TIAM1: variants seen among roughly 807,000 people sequenced by gnomAD.
TIAM1 encodes the protein TIAM Rac1 associated GEF 1, also known as rho guanine nucleotide exchange factor TIAM1.
TIAM1 carries 65 observed loss-of-function variants against 163.5 expected under a neutral mutation model. That is an observed-to-expected ratio of 0.40 (90% CI 0.33 to 0.49). The LOEUF (loss-of-function observed/expected upper bound fraction) is 0.49, where lower values mean the gene tolerates loss of function less well. Ranked by LOEUF, TIAM1 falls within the 20% of genes least tolerant of loss-of-function variation. The pLI, the probability that TIAM1 is intolerant of heterozygous loss-of-function variation, is 0.77. For synonymous variants in TIAM1, 833 were observed against 810.1 expected, an observed-to-expected ratio of 1.03 and a Z score of -0.48; for missense variants, 1,789 against 2,044.7, an observed-to-expected ratio of 0.87 and a Z score of 2.41.
intron 10 of TIAM1, among the ~76,000 whole-genome samples, chr21:31,211,522 A>G (rs73351560): frequency 0.023 from 3,491 of 152,296 alleles, 147 homozygotes; most frequent in African/African-American, 0.08. Flanking sequence ...AAATTTCCCA[A>G]TGAAGGCTGA....
intron 22 of TIAM1, among the ~76,000 whole-genome samples, chr21:31,140,283 GT>G (rs2082790496): frequency 6.6e-6 from 1 of 152,130 alleles, no homozygotes; most frequent in Non-Finnish European, 1.5e-5. Flanking sequence ...CAGCAAGAGT[GT>G]TTTTCCTCTA....
At chr21:31,407,065 C>T (rs2077259973) in intron 2 of TIAM1, among the ~76,000 whole-genome samples, 1 of 152,192 alleles carries the variant, frequency 6.6e-6, no homozygotes, top group Non-Finnish European at 1.5e-5. Context: ...ACAGCTCTCA[C>T]TAGGAGGCAG....
At chr21:31,290,315 C>T (rs544057431) in intron 2 of TIAM1, among the ~76,000 whole-genome samples, 2 of 151,858 alleles carry the variant, frequency 1.3e-5, no homozygotes, top group African/African-American at 4.8e-5. Flanking sequence ...TCAGGAAAGG[C>T]AACTTGTGGA....
chr21:31,382,766 A>G (rs913492898), intron 2 of TIAM1, among the ~76,000 whole-genome samples: 1 of 152,184 alleles, frequency 6.6e-6, no homozygotes, highest in Admixed American at 6.5e-5. Flanking sequence ...CAAACAAACT[A>G]AAAAAATTAA....
chr21:31,492,463 G>A (rs1284495071), intron 1 of TIAM1, among the ~76,000 whole-genome samples: 8 of 152,104 alleles, frequency 5.3e-5, no homozygotes, highest in Non-Finnish European at 1.5e-5. Context: ...ACTGAATTGT[G>A]TAAATTTACA....
At chr21:31,382,580 A>G (rs1465715165) in intron 2 of TIAM1, among the ~76,000 whole-genome samples, 2 of 152,220 alleles carry the variant, frequency 1.3e-5, no homozygotes, top group East Asian at 3.9e-4. Context: ...CTCCAATGAC[A>G]CTGCTCTCTG....
At chr21:31,151,312 C>T (rs371402587) in intron 19 of TIAM1, among the ~76,000 whole-genome samples, 1 of 152,106 alleles carries the variant, frequency 6.6e-6, no homozygotes, top group Non-Finnish European at 1.5e-5. Context: ...TGGAAACAAC[C>T]CAAATGCCCA....
chr21:31,285,321 T>C (rs1276179516), intron 2 of TIAM1, among the ~76,000 whole-genome samples: 1 of 152,128 alleles, frequency 6.6e-6, no homozygotes, highest in Non-Finnish European at 1.5e-5. Context: ...ACTAAGCCTG[T>C]TGGCAACAAG....
chr21:31,198,807 C>T lies in TIAM1; in HGVS notation c.2494-3502G>A, dbSNP rs74421010. On this transcript the variant is annotated intron_variant, in intron 12 of 27. Transcript: ENST00000541036. ...TTTTCTTTGAAATTAGTGTGAATAT[C>T]ACTGTGTCTTTTGCTGGTCTCAGAC... Among the ~76,000 whole-genome samples, 5 of 152,262 alleles carry T rather than the reference C, an allele frequency of 3.3e-5. No homozygotes were observed. The East Asian group carries it at 9.6e-4, about 29-fold the overall frequency.
Position 31,135,812 on chromosome 21 carries a change from C to A in TIAM1, c.3883+121G>T. On this transcript the variant is annotated intron_variant, in intron 23 of 27. Transcript: ENST00000541036. ...ATGTTGGTGGCTACGGCAGGAAGACCGATTCAAGTAACTGCAATTAACTTT... is the reference window on the plus strand; with the variant it reads ...ATGTTGGTGGCTACGGCAGGAAGACAGATTCAAGTAACTGCAATTAACTTT... 3 of 870,382 alleles carry A rather than the reference C, an allele frequency of 3.4e-6. No individual in the cohort carries two copies. The Middle Eastern group carries it at 6.8e-4, about 198-fold the overall frequency. 53.9% of individuals were successfully genotyped at this position (870,382 alleles called of 1,614,324 possible).
intron 2 of TIAM1, among the ~76,000 whole-genome samples, chr21:31,412,799 A>T (rs1348140622): frequency 6.6e-6 from 1 of 151,238 alleles, no homozygotes; most frequent in Non-Finnish European, 1.5e-5. Context: ...AAAAAAAAAA[A>T]AAAAAAAAAG....
chr21:31,120,091 T>G lies in TIAM1; in HGVS notation c.*277A>C. On this transcript the variant is annotated 3_prime_UTR_variant, in exon 28 of 28. Transcript: ENST00000541036. This position sits in a 1 kb window ranked among gnomAD's most constrained non-coding sequence, Gnocchi z 4.2. Reference sequence around the variant, plus strand: ...CAGTGCTATAGAATCTTTTTTCTTTTAATTGTTCAGGCCCTGATTTATTGA... The same window carrying G: ...CAGTGCTATAGAATCTTTTTTCTTTGAATTGTTCAGGCCCTGATTTATTGA... The G allele has an allele frequency of 2.9e-6, 1 of 347,192 alleles. No homozygotes were observed. The highest frequency in any genetic ancestry group is 5.2e-6 in the Non-Finnish European group (1 of 192,932). The allele number at this position is 347,192 out of a possible 1,614,324, so 21.5% of individuals were successfully genotyped here.
intron 2 of TIAM1, among the ~76,000 whole-genome samples, chr21:31,298,735 G>GGTGTGTGTGTGT (rs147701527): frequency 0.021 from 2,868 of 138,494 alleles, 54 homozygotes; most frequent in African/African-American, 0.037. Context: ...TCCAATTGAG[G>GGTGTGTGTGTGT]GTGTGTGTGT....
chr21:31,537,429 C>T (rs1232014607), intron 1 of TIAM1, among the ~76,000 whole-genome samples: 1 of 141,768 alleles, frequency 7.1e-6, no homozygotes, highest in Admixed American at 7.4e-5. Flanking sequence ...TAAACCAATA[C>T]TGCAAGAAAT....
intron 6 of TIAM1, among the ~76,000 whole-genome samples, chr21:31,234,760 C>T (rs574264619): frequency 4.9e-4 from 67 of 138,036 alleles, no homozygotes; most frequent in African/African-American, 1.5e-3. Context: ...CCAGCCTGGG[C>T]GACAGAGTGA....
At chr21:31,400,690 T>C (rs73358804) in intron 2 of TIAM1, among the ~76,000 whole-genome samples, 4,832 of 152,276 alleles carry the variant, frequency 0.032, 243 homozygotes, top group African/African-American at 0.11. Context: ...TAGTGGGGCA[T>C]AGAAGCCTTT....
chr21:31,440,140 G>A (rs754189013), intron 2 of TIAM1, among the ~76,000 whole-genome samples: 100 of 152,248 alleles, frequency 6.6e-4, no homozygotes, highest in Non-Finnish European at 1.0e-3. Context: ...TTCTACAAAC[G>A]TTAGCTAATA....
intron 2 of TIAM1, among the ~76,000 whole-genome samples, chr21:31,390,495 G>A (rs1457946513): frequency 2.0e-5 from 3 of 152,026 alleles, no homozygotes; most frequent in African/African-American, 4.8e-5. Context: ...GCATCCCCCC[G>A]AAAGTAAGAA....
At position 31,144,293 on chromosome 21, in the gene TIAM1, C is replaced by T. The variant is rs116198487; in HGVS notation, c.3475+2602G>A. Among the ~76,000 whole-genome samples the T allele has an allele frequency of 8.0e-3, 1,217 of 152,306 alleles. 17 individuals carry two copies. The highest frequency in any genetic ancestry group is 0.028 in the African/African-American group (1,149 of 41,578). On this transcript the variant is annotated intron_variant, in intron 20 of 27. Transcript: ENST00000541036. ...TTGTGGGGCATCCCAAGTCTAGGGC[C>T]ACATCTAGAAGGACCTAGGAACTCT...
Sources: gnomAD v4.1 joint callset for allele counts (sites outside exome capture counted in the v4.1 genomes callset) on GRCh38, gnomAD v4.1.1 for gene constraint, Gnocchi (gnomAD v3.1) non-coding constraint, MANE v1.5 for transcripts, NCBI Gene and HGNC (gene_info 2026-07-23, HGNC 2026-07-21) for gene names.